Variants in LGSN observed in about 807,000 individuals in gnomAD.
LGSN encodes the protein lengsin, lens protein with glutamine synthetase domain.
A neutral mutation model predicts 19.5 loss-of-function variants in LGSN; 21 were observed. The observed-to-expected ratio is 1.07, with a 90% CI of 0.76 to 1.55. The LOEUF (loss-of-function observed/expected upper bound fraction) is 1.55. Among genes scored for constraint, LGSN ranks in the 40% most tolerant of loss-of-function variants. The pLI is 0.00. For missense variants in LGSN, 673 were observed against 608.5 expected (o/e 1.11, Z -1.12); for synonymous variants, 257 against 215.6 (o/e 1.19, Z -1.68).
chr6:63,493,794 C>T, the LGSN span, among the ~76,000 whole-genome samples: 1 of 152,114 alleles, frequency 6.6e-6, no homozygotes, highest in African/African-American at 2.4e-5. Context: ...ATGATTCATC[C>T]TCAAGCATCC....
At chr6:63,398,507 A>G in the LGSN span, among the ~76,000 whole-genome samples, 1 of 152,164 alleles carries the variant, frequency 6.6e-6, no homozygotes, top group South Asian at 2.1e-4. Flanking sequence ...ATATAAAGAA[A>G]GAAAATATTT....
chr6:63,533,666 T>C, the LGSN span, among the ~76,000 whole-genome samples: 1 of 152,030 alleles, frequency 6.6e-6, no homozygotes, highest in African/African-American at 2.4e-5. Flanking sequence ...GAATAAATGG[T>C]TATTACTTGG....
At chr6:63,306,313 C>T (rs1768383128) in intron 1 of LGSN, among the ~76,000 whole-genome samples, 2 of 152,186 alleles carry the variant, frequency 1.3e-5, no homozygotes, top group African/African-American at 4.8e-5. Flanking sequence ...CTTCCTACAT[C>T]ACCATAGCTT....
chr6:63,288,730 C>T (rs146120922), intron 2 of LGSN, among the ~76,000 whole-genome samples: 24 of 152,322 alleles, frequency 1.6e-4, no homozygotes, highest in Non-Finnish European at 2.9e-4. Context: ...AACTCTCTCT[C>T]CCCTTGGCTT....
intron 3 of LGSN, among the ~76,000 whole-genome samples, chr6:63,282,637 C>T (rs985129804): frequency 6.6e-6 from 1 of 150,398 alleles, no homozygotes; most frequent in Non-Finnish European, 1.5e-5. Flanking sequence ...TGAACCACTG[C>T]CTCCACTTTC....
chr6:63,522,775 T>C, the LGSN span, among the ~76,000 whole-genome samples: 2 of 152,130 alleles, frequency 1.3e-5, no homozygotes, highest in Non-Finnish European at 2.9e-5. Context: ...CCATGGAAGA[T>C]TCAGTGCAAT....
In LGSN at chr6:63,285,651, CG is replaced by C. The variant is rs1767500006; in HGVS notation, c.265del (p.Arg89AspfsTer25). ...AMAKNRLQFVRFEATDLHGVS... is the reference protein window; with the variant it reads ...AMAKNRLQFVXFEATDLHGVS... Reference sequence around the variant, plus strand: ...GCCGTGGAGGTCTGTTGCTTCAAATCGTACAAACTGGAGGCGATTTTTGGCC... The same window carrying C: ...GCCGTGGAGGTCTGTTGCTTCAAATCTACAAACTGGAGGCGATTTTTGGCC... On this transcript the variant is annotated frameshift_variant, in exon 3 of 4. Transcript: ENST00000370657. LOFTEE classifies it high-confidence loss of function. The C allele has an allele frequency of 1.2e-6, 2 of 1,613,888 alleles. No homozygotes were observed. Among genetic ancestry groups the C allele is most frequent in the Non-Finnish European group, 1.7e-6 (2 of 1,179,982 alleles).
chr6:63,331,071 T>C, the LGSN span, among the ~76,000 whole-genome samples: 2 of 152,158 alleles, frequency 1.3e-5, no homozygotes, highest in Admixed American at 6.5e-5. Context: ...ACATAACCGA[T>C]AGCCCGGGGG....
the LGSN span, among the ~76,000 whole-genome samples, chr6:63,558,015 G>A: frequency 6.6e-6 from 1 of 151,892 alleles, no homozygotes; most frequent in African/African-American, 2.4e-5. Flanking sequence ...GTGACTACAG[G>A]CACCCACCAC....
Position 63,277,747 on chromosome 6 carries a change from A to G in LGSN, c.*2274T>C, listed in dbSNP as rs961355226. 9 of 152,478 alleles carry G rather than the reference A, an allele frequency of 5.9e-5. No individual in the cohort carries two copies. The highest frequency in any genetic ancestry group is 8.8e-5 in the Non-Finnish European group (6 of 68,286). 9.4% of individuals were successfully genotyped at this position (152,478 alleles called of 1,614,324 possible). A position where few individuals can be genotyped will look rare whatever the true frequency, so the allele number is the denominator to read the frequency against. On this transcript the variant is annotated 3_prime_UTR_variant, in exon 4 of 4. Transcript: ENST00000370657. ...CAGCAGGAAGGGTGAAGGCAGCAAG[A>G]GAAAGAAAGGGCAGAGCACACAGCA... is the stretch of plus-strand genomic sequence containing the variant.
chr6:63,316,261 G>A (rs1768849382), intron 1 of LGSN, among the ~76,000 whole-genome samples: 1 of 152,124 alleles, frequency 6.6e-6, no homozygotes, highest in Admixed American at 6.6e-5. Flanking sequence ...AGAGCTCTGT[G>A]TGAAAGAAGT....
chr6:63,396,744 G>C, the LGSN span: 6 of 152,996 alleles, frequency 3.9e-5, no homozygotes, highest in African/African-American at 1.4e-4. Context: ...GCTGAGGCTT[G>C]TTGGAAGAGG....
At chr6:63,392,437 A>C in the LGSN span, 1 of 152,398 alleles carries the variant, frequency 6.6e-6, no homozygotes, top group Non-Finnish European at 1.5e-5. Context: ...CACTGCTATC[A>C]TGTGGACTAA....
the LGSN span, among the ~76,000 whole-genome samples, chr6:63,437,262 T>G: frequency 6.8e-6 from 1 of 147,758 alleles, no homozygotes. Flanking sequence ...CAAAATACCA[T>G]TTTTTTTTTC....
At chr6:63,573,028 G>T in the LGSN span, among the ~76,000 whole-genome samples, 1 of 152,090 alleles carries the variant, frequency 6.6e-6, no homozygotes, top group African/African-American at 2.4e-5. Flanking sequence ...CGGCGGCCGG[G>T]GGCAGTTTCG....
the LGSN span, among the ~76,000 whole-genome samples, chr6:63,547,498 ATTT>A: frequency 6.6e-5 from 6 of 90,780 alleles, no homozygotes; most frequent in Middle Eastern, 0.01. Context: ...CCAGGGGGGA[ATTT>A]TTTTTTTTTT....
the LGSN span, chr6:63,441,835 G>C: frequency 3.3e-6 from 1 of 302,884 alleles, no homozygotes; most frequent in Admixed American, 4.4e-5. Context: ...TTTGTGCAGC[G>C]GGGGCGCTGG....
At chr6:63,402,149 A>C in the LGSN span, among the ~76,000 whole-genome samples, 1 of 152,180 alleles carries the variant, frequency 6.6e-6, no homozygotes, top group Non-Finnish European at 1.5e-5. Flanking sequence ...CTAAAGTGAG[A>C]AATTTGGCTC....
At chr6:63,443,596 A>G in the LGSN span, 5 of 1,047,104 alleles carry the variant, frequency 4.8e-6, no homozygotes, top group Non-Finnish European at 5.9e-6. Flanking sequence ...TGTCCCCAGC[A>G]CCTGCTGCCT....
Sources: allele counts gnomAD v4.1 joint callset (sites outside exome capture counted in the v4.1 genomes callset), GRCh38; gene constraint gnomAD v4.1.1; transcripts MANE v1.5; gene names NCBI Gene and HGNC (gene_info 2026-07-23, HGNC 2026-07-21).